The following HEXD variants were observed in gnomAD, a reference collection of about 807,000 sequenced individuals.
HEXD encodes the protein hexosaminidase D.
A neutral mutation model predicts 54.2 loss-of-function variants in HEXD; 47 were observed. The ratio of observed to expected loss-of-function variants is 0.87; its 90% CI spans 0.69 to 1.11. The LOEUF (loss-of-function observed/expected upper bound fraction) is 1.11, where lower values mean the gene tolerates loss of function less well. Among genes scored for constraint, HEXD ranks in the 50% least tolerant of loss-of-function variants. The probability of loss-of-function intolerance (pLI) is 0.00; values close to 1 mark genes in which losing one functional copy is unlikely to be tolerated. For missense variants in HEXD, 576 were observed against 649.2 expected (o/e 0.89, Z 1.23); for synonymous variants, 293 against 287.6 (o/e 1.02, Z -0.19).
chr17:82,439,539 T>C (rs1006203268), intron 8 of HEXD, 92 bp from the exon 9 acceptor site: 17 of 1,489,102 alleles, frequency 1.1e-5, no homozygotes, highest in Non-Finnish European at 1.5e-5. Context: ...CCTAAGGCCC[T>C]GGAACAACAG....
rs57488813 is a variant in HEXD, at chr17:82,442,077, C to A, written c.1254-100C>A. The A allele has an allele frequency of 4.5e-3, 6,488 of 1,447,562 alleles. 254 individuals carry two copies. In the African/African-American group the frequency reaches 0.083, roughly 18 times the overall value. The allele number at this position is 1,447,562 out of a possible 1,614,324, so 89.7% of individuals were successfully genotyped here. A position where few individuals can be genotyped will look rare whatever the true frequency, so the allele number is the denominator to read the frequency against. On this transcript the variant is annotated intron_variant, in intron 12 of 12. Coordinates refer to ENST00000327949, the MANE Select transcript of HEXD (RefSeq NM_001330542.2). This position sits in a 1 kb window ranked among gnomAD's most constrained non-coding sequence, Gnocchi z 6.8. ...GCCGATGAGGTAGGGTCAGTAGCCC[C>A]ATTTCACAGGTGAACTGAGGCACAG...
At chr17:82,428,671 T>TGGTGCCA in intron 4 of HEXD, 26 bp downstream of exon 4, 1 of 1,599,178 alleles carries the variant, frequency 6.3e-7, no homozygotes, top group South Asian at 1.1e-5. Flanking sequence ...GGAAGTTACC[T>TGGTGCCA]GGTGCCAGGT....
At position 82,436,564 on chromosome 17, in the gene HEXD, G is replaced by C. The variant is rs1036725542; in HGVS notation, c.632-103G>C. On this transcript the variant is annotated intron_variant, in intron 6 of 12. Coordinates refer to ENST00000327949, the MANE Select transcript of HEXD (RefSeq NM_001330542.2). ...ACGGTGCCAAGTCTGTCTTAAAAAGGTATCTGTGCTCACACTTTCAAGCAA... is the reference window on the plus strand; with the variant it reads ...ACGGTGCCAAGTCTGTCTTAAAAAGCTATCTGTGCTCACACTTTCAAGCAA... 8.0e-6 allele frequency: 7 copies of C among 879,476 alleles called. No homozygotes were observed. In the African/African-American group the frequency reaches 8.3e-5, roughly 10 times the overall value. 54.5% of individuals were successfully genotyped at this position (879,476 alleles called of 1,614,324 possible).
At chr17:82,421,777 G>A (rs1252581375) in intron 2 of HEXD, among the ~76,000 whole-genome samples, 5 of 152,152 alleles carry the variant, frequency 3.3e-5, no homozygotes, top group Non-Finnish European at 1.5e-5. Flanking sequence ...AGTGAGCCAA[G>A]ATTGCGCCAC....
chr17:82,433,234 G>C (rs1230403031), intron 4 of HEXD, among the ~76,000 whole-genome samples: 2 of 148,536 alleles, frequency 1.3e-5, no homozygotes, highest in Non-Finnish European at 3.0e-5. Flanking sequence ...TTGTGGTCAG[G>C]AGTTCAAGAC....
intron 3 of HEXD, among the ~76,000 whole-genome samples, chr17:82,425,331 G>A (rs182899185): frequency 6.6e-6 from 1 of 152,000 alleles, no homozygotes; most frequent in Admixed American, 6.5e-5. Context: ...GGCTGGGCTA[G>A]AGAAGGCTGG....
At chr17:82,440,129 A>T (rs1381246231) in intron 9 of HEXD, 1 of 1,294,320 alleles carries the variant, frequency 7.7e-7, no homozygotes, top group East Asian at 5.4e-5. Flanking sequence ...CTCCTGAGGG[A>T]GCAGCGGGAC....
chr17:82,423,688 C>G (rs189341524), intron 2 of HEXD: 1 of 152,164 alleles, frequency 6.6e-6, no homozygotes, highest in Non-Finnish European at 1.5e-5. Context: ...GGGCGGGCGC[C>G]TGTAATCCCA....
Position 82,434,766 on chromosome 17 carries a change from A to G in HEXD, c.448-923A>G, listed in dbSNP as rs146146112. Among the ~76,000 whole-genome samples the G allele has an allele frequency of 0.011, 1,714 of 151,938 alleles. 29 individuals are homozygous for G. Among genetic ancestry groups the G allele is most frequent in the African/African-American group, 0.04 (1,640 of 41,384 alleles). On this transcript the variant is annotated intron_variant, in intron 5 of 12. Transcript: ENST00000327949. The surrounding 1 kb of genome is among the most constrained non-coding windows in gnomAD (Gnocchi z 4.5). ...GGCACGAGAATCGCTTGAACCCAGG[A>G]GGTGAAGGTTGCAGTGAGCTGAGAT... is the stretch of plus-strand genomic sequence containing the variant.
intron 3 of HEXD, among the ~76,000 whole-genome samples, chr17:82,424,956 C>T (rs1177659824): frequency 7.2e-6 from 1 of 139,206 alleles, no homozygotes; most frequent in African/African-American, 2.8e-5. Context: ...GAAGGCTGGA[C>T]TACAGAAGGT....
rs1047594330 is a variant in HEXD, at chr17:82,432,262, G to A, written c.283-1396G>A. On this transcript the variant is annotated intron_variant, in intron 4 of 12. Coordinates refer to ENST00000327949, the MANE Select transcript of HEXD (RefSeq NM_001330542.2). ...GGCCCCCGTCAGCCAGGCCTGAGGAGAGTGTGCAGCACCATCTGGCTTTCT... is the reference window on the plus strand; with the variant it reads ...GGCCCCCGTCAGCCAGGCCTGAGGAAAGTGTGCAGCACCATCTGGCTTTCT... Among the ~76,000 whole-genome samples, 5 of 152,168 alleles carry A rather than the reference G, an allele frequency of 3.3e-5. No homozygotes were observed. In the East Asian group the frequency reaches 7.7e-4, roughly 24 times the overall value.
chr17:82,429,603 G>T (rs2053520639), intron 4 of HEXD, among the ~76,000 whole-genome samples: 1 of 152,098 alleles, frequency 6.6e-6, no homozygotes, highest in Non-Finnish European at 1.5e-5. Context: ...GGTCCTCCAG[G>T]TCACTAAGTC....
chr17:82,433,091 A>AAAAT (rs1555617647), intron 4 of HEXD, among the ~76,000 whole-genome samples: 4 of 13,234 alleles, frequency 3.0e-4, no homozygotes, highest in Non-Finnish European at 2.1e-4. Flanking sequence ...AAAAAAAAAA[A>AAAAT]ATATATATAT....
intron 9 of HEXD, chr17:82,440,752 AAC>A (rs1460552121): frequency 9.2e-6 from 5 of 540,832 alleles, no homozygotes; most frequent in South Asian, 2.3e-5. Context: ...TGCTGCTGGC[AAC>A]ACAGTCTTAC....
intron 3 of HEXD, chr17:82,428,046 G>A (rs2053467912): frequency 6.5e-6 from 1 of 152,740 alleles, no homozygotes; most frequent in Admixed American, 6.5e-5. Flanking sequence ...GTGCAGTGGT[G>A]CGATCTTGGC....
At position 82,441,174 on chromosome 17, in the gene HEXD, C is replaced by T. The variant is rs770064804; in HGVS notation, c.1071C>T (p.Ala357=). 1.2e-5 allele frequency: 20 copies of T among 1,613,128 alleles called. No individual in the cohort carries two copies. In the African/African-American group the frequency reaches 1.5e-4, roughly 12 times the overall value. The stretch of plus-strand genomic sequence containing the variant: ...GCAGGGCTCTCCGCAGGGAGGGGGC[C>T]GGCTCCTTCCCTGGCAGCAACATCC... ...LEKTDPVREG[A]GSFPGSNILA... Residue 357 remains alanine, a synonymous_variant, in exon 11 of 13, where the codon GCC becomes GCT. Coordinates refer to ENST00000327949, the MANE Select transcript of HEXD (RefSeq NM_001330542.2).
Position 82,418,578 on chromosome 17 carries a change from G to A in HEXD, c.-214G>A, listed in dbSNP as rs549509762. 1.4e-3 allele frequency: 870 copies of A among 605,578 alleles called. 6 individuals carry two copies. The African/African-American group carries it at 0.016, about 11-fold the overall frequency. The allele number at this position is 605,578 out of a possible 1,614,324, so 37.5% of individuals were successfully genotyped here. On this transcript the variant is annotated 5_prime_UTR_variant, in exon 1 of 13. Coordinates refer to ENST00000327949, the MANE Select transcript of HEXD (RefSeq NM_001330542.2). ...GAGCGCGAGGCAGGCACGGCGCAGG[G>A]ACGCGAGTGCGACGCGCTCGGCCAT...
At chr17:82,428,445 C>CTT (rs1412654636) in intron 3 of HEXD, 113 bp from the exon 4 acceptor site, 1 of 824,244 alleles carries the variant, frequency 1.2e-6, no homozygotes, top group African/African-American at 1.7e-5. Flanking sequence ...AGTTTAGGGC[C>CTT]TTACTGTTTC....
At chr17:82,438,858 A>G (rs2143608899) in intron 8 of HEXD, among the ~76,000 whole-genome samples, 1 of 152,384 alleles carries the variant, frequency 6.6e-6, no homozygotes, top group South Asian at 2.1e-4. Context: ...CTGTTGGGAT[A>G]CAGCTCTGTC....
Sources: gnomAD v4.1 joint callset for allele counts (sites outside exome capture counted in the v4.1 genomes callset) on GRCh38, gnomAD v4.1.1 for gene constraint, Gnocchi (gnomAD v3.1) non-coding constraint, MANE v1.5 for transcripts, NCBI Gene and HGNC (gene_info 2026-07-23, HGNC 2026-07-21) for gene names.